Variants in GPC5 observed in about 807,000 individuals in gnomAD.
GPC5 encodes the protein glypican 5.
GPC5 carries 47 observed loss-of-function variants against 53.9 expected under a neutral mutation model. That is an observed-to-expected ratio of 0.87 (90% CI 0.69 to 1.11). The LOEUF (loss-of-function observed/expected upper bound fraction) is 1.11. Ranked by LOEUF, GPC5 falls within the 50% of genes most tolerant of loss-of-function variation. The pLI, the probability that GPC5 is intolerant of heterozygous loss-of-function variation, is 0.00. For synonymous variants in GPC5, 286 were observed against 263.3 expected (o/e 1.09, Z -0.84); for missense variants, 748 against 713.1 (o/e 1.05, Z -0.56).
At chr13:92,149,891 A>G (rs578220551) in intron 7 of GPC5, among the ~76,000 whole-genome samples, 1 of 152,008 alleles carries the variant, frequency 6.6e-6, no homozygotes, top group East Asian at 1.9e-4. Context: ...TTTCCTATCA[A>G]TATGAGTTCA....
At chr13:91,916,144 C>T (rs2039656648) in intron 6 of GPC5, among the ~76,000 whole-genome samples, 1 of 152,000 alleles carries the variant, frequency 6.6e-6, no homozygotes, top group Admixed American at 6.6e-5. Flanking sequence ...ATAAAAATGA[C>T]AGGTAATAAG....
intron 5 of GPC5, among the ~76,000 whole-genome samples, chr13:91,764,695 T>A (rs960050399): frequency 1.3e-5 from 2 of 152,208 alleles, no homozygotes; most frequent in African/African-American, 4.8e-5. Context: ...AGGGTGTGTA[T>A]GTGAACCTTT....
intron 6 of GPC5, among the ~76,000 whole-genome samples, chr13:92,017,278 T>G (rs1240972418): frequency 6.6e-6 from 1 of 152,164 alleles, no homozygotes; most frequent in East Asian, 1.9e-4. Context: ...TATGTTATTG[T>G]TTAATATTTT....
intron 7 of GPC5, among the ~76,000 whole-genome samples, chr13:92,690,716 T>C (rs1041237369): frequency 3.3e-4 from 39 of 117,392 alleles, no homozygotes; most frequent in Non-Finnish European, 6.1e-4. Context: ...TTTTGGTCTT[T>C]GATGATGGTG....
At chr13:92,657,275 T>C (rs1321840436) in intron 7 of GPC5, among the ~76,000 whole-genome samples, 1 of 152,124 alleles carries the variant, frequency 6.6e-6, no homozygotes, top group Non-Finnish European at 1.5e-5. Flanking sequence ...GTCATATTTA[T>C]TTCATGGAAA....
At chr13:91,672,854 C>G (rs113759163) in intron 2 of GPC5, among the ~76,000 whole-genome samples, 1 of 152,020 alleles carries the variant, frequency 6.6e-6, no homozygotes, top group Non-Finnish European at 1.5e-5. Context: ...AATGAGAGCA[C>G]GGATAAGGCA....
chr13:92,644,948 T>A (rs9523747), intron 7 of GPC5, among the ~76,000 whole-genome samples: 87,902 of 151,844 alleles, frequency 0.58, 29,191 homozygotes, highest in Non-Finnish European at 0.77. Context: ...TTGTTGGACT[T>A]ATGACTCAGT....
intron 5 of GPC5, among the ~76,000 whole-genome samples, chr13:91,775,057 T>C (rs138504120): frequency 5.9e-5 from 9 of 152,080 alleles, no homozygotes; most frequent in African/African-American, 1.9e-4. Context: ...CACCAGCGCA[T>C]AGGAGAGAAA....
chr13:92,095,617 C>A lies in GPC5; in HGVS notation c.1402-49213C>A, dbSNP rs2041416068. ...CGGAACCATCTCGGCTCACTGCAAC[C>A]TCCACCTCCTGGGTTCAAGCGATTC... On this transcript the variant is annotated intron_variant, in intron 6 of 7. Transcript: ENST00000377067. 2.0e-5 allele frequency among the ~76,000 whole-genome samples: 3 copies of A among 152,174 alleles called. No individual in the cohort carries two copies. The South Asian group carries it at 6.2e-4, about 32-fold the overall frequency.
chr13:91,399,413 C>T (rs1283472830), intron 1 of GPC5, among the ~76,000 whole-genome samples: 3 of 152,168 alleles, frequency 2.0e-5, no homozygotes, highest in Non-Finnish European at 1.5e-5. Context: ...CTAACCAAGC[C>T]TGCGACGAAT....
chr13:92,251,564 A>G (rs1323984100), intron 7 of GPC5, among the ~76,000 whole-genome samples: 1 of 152,048 alleles, frequency 6.6e-6, no homozygotes, highest in Non-Finnish European at 1.5e-5. Flanking sequence ...CTACATGATC[A>G]TGGGAACGAG....
chr13:91,602,633 A>G (rs2033216877), intron 2 of GPC5, among the ~76,000 whole-genome samples: 3 of 152,214 alleles, frequency 2.0e-5, no homozygotes, highest in Admixed American at 2.0e-4. Context: ...GCAGATCACA[A>G]AAAGATTGAC....
chr13:92,281,977 A>G (rs2139169934), intron 7 of GPC5, among the ~76,000 whole-genome samples: 1 of 152,286 alleles, frequency 6.6e-6, no homozygotes, highest in African/African-American at 2.4e-5. Context: ...CAATCCCAAC[A>G]CAAAGAAGCT....
chr13:92,695,467 T>A (rs1386371545), intron 7 of GPC5, among the ~76,000 whole-genome samples: 1 of 152,166 alleles, frequency 6.6e-6, no homozygotes, highest in Non-Finnish European at 1.5e-5. Context: ...TAACAGCATC[T>A]CCAAAAGGTA....
intron 7 of GPC5, among the ~76,000 whole-genome samples, chr13:92,269,212 G>T (rs2042823292): frequency 6.6e-6 from 1 of 151,814 alleles, no homozygotes; most frequent in Non-Finnish European, 1.5e-5. Flanking sequence ...TTATCCATTT[G>T]AAATTTGTTT....
chr13:92,817,026 C>T (rs571826143), intron 7 of GPC5, among the ~76,000 whole-genome samples: 1 of 152,052 alleles, frequency 6.6e-6, no homozygotes, highest in South Asian at 2.1e-4. Context: ...GGTTGGTTCA[C>T]CTAGTACCTG....
intron 7 of GPC5, among the ~76,000 whole-genome samples, chr13:92,441,358 C>T (rs1384896886): frequency 6.6e-6 from 1 of 152,158 alleles, no homozygotes; most frequent in Non-Finnish European, 1.5e-5. Flanking sequence ...CGTGAGCTAC[C>T]GCCTCAATTT....
intron 7 of GPC5, among the ~76,000 whole-genome samples, chr13:92,522,120 A>T (rs555340479): frequency 1.3e-5 from 2 of 152,290 alleles, no homozygotes; most frequent in South Asian, 4.1e-4. Context: ...AGGAAACAAC[A>T]GGTGCTGGAG....
intron 7 of GPC5, among the ~76,000 whole-genome samples, chr13:92,620,412 C>T (rs11841331): frequency 0.021 from 3,230 of 152,232 alleles, 126 homozygotes; most frequent in African/African-American, 0.074. Flanking sequence ...TAACACACAT[C>T]AGAGTTCTCC....
Sources: gnomAD v4.1 joint callset for allele counts (sites outside exome capture counted in the v4.1 genomes callset) on GRCh38, gnomAD v4.1.1 for gene constraint, MANE v1.5 for transcripts, NCBI Gene and HGNC (gene_info 2026-07-23, HGNC 2026-07-21) for gene names.